The following TAS2R1 variants were observed in gnomAD, a reference collection of about 807,000 sequenced individuals.
TAS2R1 encodes the protein taste receptor type 2 member 1.
For missense variants in TAS2R1, 370 were observed against 353.4 expected (o/e 1.05, Z -0.38); for synonymous variants, 141 against 134.2 (o/e 1.05, Z -0.35).
upstream of TAS2R1, chr5:9,712,216 C>A (rs1456637564): frequency 6.6e-6 from 1 of 152,202 alleles, no homozygotes; most frequent in African/African-American, 2.4e-5. Context: ...CCCAGGTCTA[C>A]AGGGCAGTGG....
At chr5:9,707,801 T>C (rs531965438) in intron 1 of TAS2R1, among the ~76,000 whole-genome samples, 1 of 151,672 alleles carries the variant, frequency 6.6e-6, no homozygotes, top group East Asian at 2.0e-4. Context: ...GGGAGGGAGG[T>C]GGTGCGAAAT....
chr5:9,867,716 T>C, the TAS2R1 span, among the ~76,000 whole-genome samples: 1 of 152,214 alleles, frequency 6.6e-6, no homozygotes, highest in Non-Finnish European at 1.5e-5. Context: ...CTCCAAAGTC[T>C]TAACTCATTT....
the TAS2R1 span, among the ~76,000 whole-genome samples, chr5:9,717,802 T>C: frequency 6.6e-6 from 1 of 152,092 alleles, no homozygotes; most frequent in Non-Finnish European, 1.5e-5. Flanking sequence ...AAAGGACATA[T>C]ACTAGAAAAA....
At chr5:9,699,185 G>A (rs1741425339) in intron 1 of TAS2R1, among the ~76,000 whole-genome samples, 1 of 152,194 alleles carries the variant, frequency 6.6e-6, no homozygotes, top group Non-Finnish European at 1.5e-5. Context: ...ACAGTTGCCT[G>A]CAAACTATGG....
At chr5:9,648,253 G>A (rs1406403809) in intron 2 of TAS2R1, among the ~76,000 whole-genome samples, 1 of 151,894 alleles carries the variant, frequency 6.6e-6, no homozygotes, top group African/African-American at 2.4e-5. Flanking sequence ...GTTGCATTTT[G>A]GTAACTTTTA....
At chr5:9,677,672 C>T (rs1447419551) in intron 1 of TAS2R1, among the ~76,000 whole-genome samples, 3 of 152,072 alleles carry the variant, frequency 2.0e-5, no homozygotes, top group Non-Finnish European at 2.9e-5. Context: ...ATTGACAACA[C>T]TAAATGCTGG....
the TAS2R1 span, among the ~76,000 whole-genome samples, chr5:9,826,611 C>T: frequency 6.6e-6 from 1 of 152,254 alleles, no homozygotes; most frequent in East Asian, 1.9e-4. Context: ...TAGGGCTAAC[C>T]TATATCGTTT....
chr5:9,827,598 G>GCACACACACA, the TAS2R1 span, among the ~76,000 whole-genome samples: 156 of 147,420 alleles, frequency 1.1e-3, no homozygotes, highest in African/African-American at 2.7e-3. Context: ...GTGGTGGCAT[G>GCACACACACA]CACACACACA....
At chr5:9,716,862 C>T (rs1042621801), upstream of TAS2R1, among the ~76,000 whole-genome samples, 1 of 152,112 alleles carries the variant, frequency 6.6e-6, no homozygotes, top group African/African-American at 2.4e-5. Context: ...TGAGCTAATT[C>T]TGAGTCTCAG....
At chr5:9,791,425 G>A in the TAS2R1 span, among the ~76,000 whole-genome samples, 1 of 152,210 alleles carries the variant, frequency 6.6e-6, no homozygotes, top group East Asian at 1.9e-4. Context: ...CGGACCGGGT[G>A]CAGTGGCTCA....
the TAS2R1 span, among the ~76,000 whole-genome samples, chr5:9,744,322 T>C: frequency 6.6e-6 from 1 of 152,218 alleles, no homozygotes; most frequent in Admixed American, 6.5e-5. Flanking sequence ...CGGTGGGTCA[T>C]AGGTACTCTG....
the TAS2R1 span, among the ~76,000 whole-genome samples, chr5:9,809,397 T>C: frequency 6.6e-6 from 1 of 152,118 alleles, no homozygotes; most frequent in Non-Finnish European, 1.5e-5. Context: ...AGGTGGAGTC[T>C]TTGGGAGGTG....
chr5:9,788,389 C>T, the TAS2R1 span, among the ~76,000 whole-genome samples: 7 of 152,156 alleles, frequency 4.6e-5, no homozygotes, highest in African/African-American at 1.7e-4. Flanking sequence ...TGGTCTCTAT[C>T]CATTGCTTCT....
intron 2 of TAS2R1, among the ~76,000 whole-genome samples, chr5:9,659,030 T>TTATC (rs1740473344): frequency 6.6e-6 from 1 of 152,216 alleles, no homozygotes; most frequent in African/African-American, 2.4e-5. Context: ...CCTGTAAATT[T>TTATC]TATCCCCTGT....
the TAS2R1 span, among the ~76,000 whole-genome samples, chr5:9,861,688 G>A: frequency 1.3e-5 from 2 of 152,188 alleles, no homozygotes; most frequent in Non-Finnish European, 2.9e-5. Context: ...TACAGAATGG[G>A]TGTGTATACA....
intron 2 of TAS2R1, among the ~76,000 whole-genome samples, chr5:9,651,200 GA>G (rs1296629879): frequency 2.6e-5 from 4 of 152,114 alleles, no homozygotes; most frequent in African/African-American, 9.7e-5. Context: ...CAAGGTGATC[GA>G]TTTGGCAGTC....
At chr5:9,659,597 C>G (rs370380179) in intron 1 of TAS2R1, 16 of 151,308 alleles carry the variant, frequency 1.1e-4, no homozygotes, top group African/African-American at 3.2e-4. Context: ...GTATGAGAAA[C>G]AGGGGAGGGA....
chr5:9,803,097 A>C, the TAS2R1 span, among the ~76,000 whole-genome samples: 1 of 152,198 alleles, frequency 6.6e-6, no homozygotes, highest in Non-Finnish European at 1.5e-5. Flanking sequence ...GAAATGCAAA[A>C]TGTACTGGAA....
At chr5:9,861,496 C>T in the TAS2R1 span, among the ~76,000 whole-genome samples, 1 of 152,150 alleles carries the variant, frequency 6.6e-6, no homozygotes, top group Admixed American at 6.5e-5. Context: ...GTGCTATCAA[C>T]ATAGAGTGTT....
Sources: gnomAD v4.1 joint callset for allele counts (sites outside exome capture counted in the v4.1 genomes callset) on GRCh38, gnomAD v4.1.1 for gene constraint, MANE v1.5 for transcripts, NCBI Gene and HGNC (gene_info 2026-07-23, HGNC 2026-07-21) for gene names.